Variants in CNTNAP5 observed in about 807,000 individuals in gnomAD.
CNTNAP5 encodes contactin-associated protein-like 5.
Under a neutral mutation model 150.2 loss-of-function variants are expected in CNTNAP5, and 72 were observed. That is an observed-to-expected ratio of 0.48 (90% confidence interval 0.40 to 0.58). The LOEUF (loss-of-function observed/expected upper bound fraction) is 0.58. CNTNAP5 is among the 20% of genes least tolerant of loss of function. The probability of loss-of-function intolerance (pLI) is 0.00; values close to 1 mark genes in which losing one functional copy is unlikely to be tolerated. For missense variants in CNTNAP5, 1,636 were observed against 1,626.2 expected (o/e 1.01, Z -0.10); for synonymous variants, 672 against 619.8 (o/e 1.08, Z -1.25).
chr2:124,712,516 G>T (rs1167155375), intron 13 of CNTNAP5, among the ~76,000 whole-genome samples: 1 of 152,192 alleles, frequency 6.6e-6, no homozygotes, highest in East Asian at 1.9e-4. Flanking sequence ...AGTATGTGGA[G>T]AAGGAGCTGC....
At chr2:124,846,677 T>C (rs1683054302) in intron 19 of CNTNAP5, among the ~76,000 whole-genome samples, 1 of 152,224 alleles carries the variant, frequency 6.6e-6, no homozygotes, top group Non-Finnish European at 1.5e-5. Flanking sequence ...ATTGTTTTAC[T>C]GATTCCTTCT....
In CNTNAP5 at chr2:124,464,245, C is replaced by A. The variant is rs573070499; in HGVS notation, c.919-10494C>A. On this transcript the variant is annotated intron_variant, in intron 6 of 23. Transcript: ENST00000682447. Reference sequence around the variant, plus strand: ...CATGGATGAAGCAAGGGAGCGCAGGCACTTTCTAAATGAGGAGCACTATCA... The same window carrying A: ...CATGGATGAAGCAAGGGAGCGCAGGAACTTTCTAAATGAGGAGCACTATCA... Among the ~76,000 whole-genome samples the A allele has an allele frequency of 5.0e-4, 76 of 152,140 alleles. 2 individuals carry two copies. The highest frequency in any genetic ancestry group is 1.7e-3 in the African/African-American group (71 of 41,506).
intron 13 of CNTNAP5, among the ~76,000 whole-genome samples, chr2:124,689,233 C>T (rs756364202): frequency 6.6e-5 from 10 of 152,280 alleles, no homozygotes; most frequent in Middle Eastern, 3.4e-3. Context: ...TCCTTGGAAA[C>T]TCACAGTCTG....
At chr2:124,846,276 TA>T (rs930599816) in intron 19 of CNTNAP5, among the ~76,000 whole-genome samples, 4 of 152,202 alleles carry the variant, frequency 2.6e-5, no homozygotes, top group East Asian at 1.9e-4. Context: ...TTGTTCATTT[TA>T]AAAAAAATTT....
At chr2:124,094,450 C>A (rs565155972) in intron 1 of CNTNAP5, among the ~76,000 whole-genome samples, 1 of 152,222 alleles carries the variant, frequency 6.6e-6, no homozygotes, top group South Asian at 2.1e-4. Context: ...GGCTGAGAGG[C>A]CATCACCCAC....
At chr2:124,112,889 G>A (rs1683331600) in intron 1 of CNTNAP5, among the ~76,000 whole-genome samples, 1 of 152,012 alleles carries the variant, frequency 6.6e-6, no homozygotes, top group Non-Finnish European at 1.5e-5. Context: ...CAAGTTGTTT[G>A]CAGCAATACA....
At chr2:124,119,393 T>C (rs1467416308) in intron 1 of CNTNAP5, among the ~76,000 whole-genome samples, 1 of 151,964 alleles carries the variant, frequency 6.6e-6, no homozygotes, top group Non-Finnish European at 1.5e-5. Context: ...TGTTGTATAC[T>C]TGATCCTTAG....
chr2:124,294,879 G>C (rs1182315257), intron 3 of CNTNAP5, among the ~76,000 whole-genome samples: 1 of 152,120 alleles, frequency 6.6e-6, no homozygotes, highest in Non-Finnish European at 1.5e-5. Flanking sequence ...GCGCCGAGGC[G>C]GGCGGATCAC....
intron 3 of CNTNAP5, among the ~76,000 whole-genome samples, chr2:124,344,585 C>G (rs1689694960): frequency 6.6e-6 from 1 of 151,948 alleles, no homozygotes; most frequent in Admixed American, 6.6e-5. Flanking sequence ...GCCTGGGCAA[C>G]ATAATTAACA....
At chr2:124,601,727 AC>A (rs1696989956) in intron 11 of CNTNAP5, among the ~76,000 whole-genome samples, 1 of 152,352 alleles carries the variant, frequency 6.6e-6, no homozygotes, top group Non-Finnish European at 1.5e-5. Context: ...TAAAAATACT[AC>A]AACTGAAATA....
At chr2:124,237,731 G>A (rs1353756890) in intron 2 of CNTNAP5, among the ~76,000 whole-genome samples, 2 of 152,208 alleles carry the variant, frequency 1.3e-5, no homozygotes, top group Non-Finnish European at 2.9e-5. Flanking sequence ...CAGCTACTCG[G>A]GAGGCTAAGT....
chr2:124,864,528 T>TTC (rs145502587), intron 19 of CNTNAP5, among the ~76,000 whole-genome samples: 68 of 147,890 alleles, frequency 4.6e-4, no homozygotes, highest in Admixed American at 9.6e-4. Context: ...TGAGCTAATA[T>TTC]TCTCTCTCTC....
intron 3 of CNTNAP5, among the ~76,000 whole-genome samples, chr2:124,301,957 G>T (rs1183522322): frequency 1.3e-5 from 2 of 152,082 alleles, no homozygotes; most frequent in Non-Finnish European, 2.9e-5. Context: ...ACATAATTAA[G>T]ATTAAATGAG....
At chr2:124,668,690 C>T (rs1369936363) in intron 13 of CNTNAP5, among the ~76,000 whole-genome samples, 1 of 152,048 alleles carries the variant, frequency 6.6e-6, no homozygotes, top group African/African-American at 2.4e-5. Context: ...AAAAGGTATA[C>T]CATTAGCACT....
At chr2:124,112,196 G>A (rs1683314244) in intron 1 of CNTNAP5, among the ~76,000 whole-genome samples, 2 of 152,158 alleles carry the variant, frequency 1.3e-5, no homozygotes, top group South Asian at 4.1e-4. Context: ...ATTTTAGCTT[G>A]TCCTTCCTTG....
intron 19 of CNTNAP5, among the ~76,000 whole-genome samples, chr2:124,802,058 G>A (rs751906983): frequency 5.3e-5 from 8 of 152,178 alleles, no homozygotes; most frequent in Non-Finnish European, 1.2e-4. Context: ...GAAATTATAA[G>A]AGGGCCACTC....
chr2:124,260,237 G>A (rs974118872), intron 3 of CNTNAP5, among the ~76,000 whole-genome samples: 3 of 152,126 alleles, frequency 2.0e-5, no homozygotes, highest in African/African-American at 7.2e-5. Flanking sequence ...CTCTCACTTT[G>A]ACAAACCGGA....
chr2:124,195,181 C>A (rs2104700675), intron 1 of CNTNAP5, among the ~76,000 whole-genome samples: 1 of 152,312 alleles, frequency 6.6e-6, no homozygotes, highest in Admixed American at 6.5e-5. Flanking sequence ...AAGCTGGGCA[C>A]CACTGGGAGT....
intron 18 of CNTNAP5, among the ~76,000 whole-genome samples, chr2:124,790,798 G>C (rs1558777128): frequency 1.3e-5 from 2 of 152,030 alleles, no homozygotes; most frequent in Non-Finnish European, 2.9e-5. Context: ...AATAATCACG[G>C]ATATACACCT....
Sources: allele counts gnomAD v4.1 joint callset (sites outside exome capture counted in the v4.1 genomes callset), GRCh38; gene constraint gnomAD v4.1.1; transcripts MANE v1.5; gene names NCBI Gene and HGNC (gene_info 2026-07-23, HGNC 2026-07-21).